The following EHBP1 variants were observed in gnomAD, a reference collection of about 807,000 sequenced individuals.
EHBP1 encodes EH domain-binding protein 1.
In EHBP1, 55 loss-of-function variants were observed where a neutral mutation model predicts 144.0. That is an observed-to-expected ratio of 0.38 (90% CI 0.31 to 0.48). The LOEUF is 0.48. Ranked by LOEUF, EHBP1 falls within the 20% of genes least tolerant of loss-of-function variation. EHBP1 has a pLI of 0.98. For synonymous variants in EHBP1, 469 were observed against 472.7 expected (o/e 0.99, Z 0.10); for missense variants, 1,200 against 1,364.2 (o/e 0.88, Z 1.90).
chr2:62,842,468 C>G (rs900426911), intron 7 of EHBP1, among the ~76,000 whole-genome samples: 4 of 152,176 alleles, frequency 2.6e-5, no homozygotes, highest in African/African-American at 4.8e-5. Flanking sequence ...AGCTCCACCT[C>G]CTAATACCCT....
rs1421067428 is a variant in EHBP1 at position 62,990,438 on chromosome 2, A to G, written c.2609-278A>G. Among the ~76,000 whole-genome samples, 4 of 152,322 alleles carry G rather than the reference A, an allele frequency of 2.6e-5. No individual in the cohort carries two copies. In the East Asian group the frequency reaches 5.8e-4, roughly 22 times the overall value. On this transcript the variant is annotated intron_variant, in intron 15 of 22. Transcript: ENST00000431489. ...ATACAGTGCTTATATAAATGTATAC[A>G]TCACATACAGGCATAGGTTTTTAGG...
At chr2:62,979,115 C>T (rs2058842995) in intron 14 of EHBP1, 73 bp from the exon 15 acceptor site, 4 of 1,493,700 alleles carry the variant, frequency 2.7e-6, no homozygotes, top group Non-Finnish European at 3.6e-6. Flanking sequence ...CAGTTACTAT[C>T]ATGATGATCA....
At position 62,841,463 on chromosome 2, in the gene EHBP1, A is replaced by T. The variant is rs554417659; in HGVS notation, c.634+10305A>T. Among the ~76,000 whole-genome samples, 21 of 152,262 alleles carry T rather than the reference A, an allele frequency of 1.4e-4. No individual in the cohort carries two copies. In the South Asian group the frequency reaches 3.7e-3, roughly 27 times the overall value. Reference sequence around the variant, plus strand: ...TATGTAACTAACCTGCACAATGTGCACATGTACCCTAAAACTTATAATAAA... The same window carrying T: ...TATGTAACTAACCTGCACAATGTGCTCATGTACCCTAAAACTTATAATAAA... On this transcript the variant is annotated intron_variant, in intron 7 of 22. Coordinates refer to ENST00000431489, the MANE Select transcript of EHBP1 (RefSeq NM_001142616.3).
Position 62,826,300 on chromosome 2 carries a change from C to G in EHBP1, c.494+32C>G, listed in dbSNP as rs756776470. The stretch of plus-strand genomic sequence containing the variant: ...TTCTTTTGTCAAATAAGCTTCCTTA[C>G]ATTGTGTTTCAGTACACCATAGCTT... On this transcript the variant is annotated intron_variant, in intron 6 of 22. Transcript: ENST00000431489. The G allele has an allele frequency of 2.6e-6, 4 of 1,550,186 alleles. No individual in the cohort carries two copies. The Admixed American group carries it at 7.6e-5, about 30-fold the overall frequency.
At chr2:62,774,416 T>A (rs533714964) in intron 5 of EHBP1, among the ~76,000 whole-genome samples, 16 of 150,236 alleles carry the variant, frequency 1.1e-4, no homozygotes, top group African/African-American at 3.9e-4. Context: ...AAGAAAGAAA[T>A]GTTCTTAGAC....
At chr2:63,022,216 GTTGTGT>G (rs1281001507) in intron 19 of EHBP1, among the ~76,000 whole-genome samples, 1 of 152,154 alleles carries the variant, frequency 6.6e-6, no homozygotes. Context: ...GGCTTACAAA[GTTGTGT>G]TTTCACATCA....
intron 5 of EHBP1, among the ~76,000 whole-genome samples, chr2:62,777,262 C>T (rs1225790008): frequency 1.3e-5 from 2 of 152,182 alleles, no homozygotes; most frequent in African/African-American, 4.8e-5. Context: ...TGAGCTACCA[C>T]ACCCAGCTGG....
intron 7 of EHBP1, among the ~76,000 whole-genome samples, chr2:62,837,134 G>T (rs1306207554): frequency 6.8e-6 from 1 of 146,896 alleles, no homozygotes; most frequent in Non-Finnish European, 1.5e-5. Context: ...GACTAACAGC[G>T]GATCTCTCGG....
At chr2:62,975,664 A>C (rs191339495) in intron 14 of EHBP1, among the ~76,000 whole-genome samples, 226 of 149,708 alleles carry the variant, frequency 1.5e-3, no homozygotes, top group Middle Eastern at 3.4e-3. Context: ...TGGGAGGATG[A>C]CTTGAGCCTA....
At chr2:63,006,039 A>G (rs906070312) in intron 19 of EHBP1, among the ~76,000 whole-genome samples, 6 of 152,010 alleles carry the variant, frequency 3.9e-5, no homozygotes, top group Non-Finnish European at 8.8e-5. Flanking sequence ...TGCCTTAAGG[A>G]AGCTTTCCTA....
Position 63,038,737 on chromosome 2 carries a change from G to A in EHBP1, c.3204-6G>A. On this transcript the variant is annotated splice_region_variant and splice_polypyrimidine_tract_variant and intron_variant, in intron 20 of 22. Coordinates refer to ENST00000431489, the MANE Select transcript of EHBP1 (RefSeq NM_001142616.3). ...GCATATTGATGAACTTTTGCAACTT[G>A]CCCAGGGAAAAAGAACATGATTTAG... is the stretch of plus-strand genomic sequence containing the variant. 1.2e-6 allele frequency: 2 copies of A among 1,612,628 alleles called. No homozygotes were observed. Among genetic ancestry groups the A allele is most frequent in the African/African-American group, 1.3e-5 (1 of 74,966 alleles).
At chr2:63,014,915 T>A (rs1275784785) in intron 19 of EHBP1, among the ~76,000 whole-genome samples, 3 of 151,834 alleles carry the variant, frequency 2.0e-5, no homozygotes, top group Non-Finnish European at 4.4e-5. Flanking sequence ...GAGGTGGAGG[T>A]TACAGTGAGC....
intron 1 of EHBP1, among the ~76,000 whole-genome samples, chr2:62,678,190 A>G (rs1013868953): frequency 1.3e-4 from 20 of 152,220 alleles, no homozygotes; most frequent in African/African-American, 4.8e-4. Context: ...GTGTAAGATT[A>G]TGATATCTCA....
chr2:62,680,866 T>A (rs2033488513), intron 1 of EHBP1, among the ~76,000 whole-genome samples: 1 of 152,176 alleles, frequency 6.6e-6, no homozygotes, highest in South Asian at 2.1e-4. Context: ...TCATTGAGCA[T>A]CATCTGCAAA....
At chr2:62,733,989 A>G (rs1033629766) in intron 2 of EHBP1, among the ~76,000 whole-genome samples, 27 of 152,260 alleles carry the variant, frequency 1.8e-4, no homozygotes, top group African/African-American at 6.3e-4. Context: ...TGTGACCTCA[A>G]TTCTCTGAGG....
At chr2:62,816,104 C>T (rs1446759001) in intron 5 of EHBP1, among the ~76,000 whole-genome samples, 2 of 152,132 alleles carry the variant, frequency 1.3e-5, no homozygotes, top group Non-Finnish European at 2.9e-5. Flanking sequence ...AAAATACTCC[C>T]ATACTTTTCC....
chr2:62,805,149 A>C (rs991905032), intron 5 of EHBP1, among the ~76,000 whole-genome samples: 5 of 152,222 alleles, frequency 3.3e-5, no homozygotes, highest in Admixed American at 1.3e-4. Flanking sequence ...CAATGTGAAG[A>C]ATTGACTAAG....
At chr2:62,931,444 A>G (rs1049812035) in intron 10 of EHBP1, among the ~76,000 whole-genome samples, 1 of 152,212 alleles carries the variant, frequency 6.6e-6, no homozygotes, top group African/African-American at 2.4e-5. Context: ...GTGTGAATTT[A>G]AAATGATACA....
chr2:62,768,132 A>G (rs1029457343), intron 4 of EHBP1, among the ~76,000 whole-genome samples: 2 of 152,184 alleles, frequency 1.3e-5, no homozygotes, highest in Non-Finnish European at 2.9e-5. Flanking sequence ...GCAAGGACAA[A>G]TCAACTCCAA....
Sources: gnomAD v4.1 joint callset for allele counts (sites outside exome capture counted in the v4.1 genomes callset) on GRCh38, gnomAD v4.1.1 for gene constraint, MANE v1.5 for transcripts, NCBI Gene and HGNC (gene_info 2026-07-23, HGNC 2026-07-21) for gene names.